The following MYH11 variants were observed in gnomAD, a reference collection of about 807,000 sequenced individuals.
The protein encoded by MYH11 is myosin heavy chain 11.
In MYH11, 80 loss-of-function variants were observed where a neutral mutation model predicts 246.6. The observed-to-expected ratio is 0.32, with a 90% confidence interval of 0.27 to 0.39. MYH11 has a LOEUF of 0.39. Among genes scored for constraint, MYH11 ranks in the 10% least tolerant of loss-of-function variants. The pLI is 1.00. For synonymous variants in MYH11, 1,071 were observed against 1,015.5 expected, an observed-to-expected ratio of 1.05 and a Z score of -1.04; for missense variants, 2,158 against 2,546.8, an observed-to-expected ratio of 0.85 and a Z score of 3.29.
chr16:15,767,908 C>T (rs2042018577), intron 9 of MYH11, among the ~76,000 whole-genome samples: 1 of 151,492 alleles, frequency 6.6e-6, no homozygotes, highest in Non-Finnish European at 1.5e-5. Flanking sequence ...ACAACCCCTG[C>T]CAACATCTTG....
Position 15,745,222 on chromosome 16 carries a change from C to T in MYH11, c.2427G>A (p.Arg809=). The change falls in exon 20 of 41, where the codon AGG becomes AGA. Residue 809 remains arginine, a synonymous_variant. Transcript: ENST00000300036. ...CCTTCATGGCGGTCAGCTGCTGCTG[C>T]CTCTTGGCAAAAGCCCTAGGGAGGG... ...GYLARKAFAK[R]QQQLTAMKVI... 6.2e-7 allele frequency: 1 copy of T among 1,614,024 alleles called. No individual in the cohort carries two copies.
chr16:15,760,368 G>A (rs2041840931), intron 11 of MYH11, among the ~76,000 whole-genome samples, 172 bp downstream of exon 11: 1 of 151,976 alleles, frequency 6.6e-6, no homozygotes, highest in Non-Finnish European at 1.5e-5. Flanking sequence ...ATGGATGGAT[G>A]GATGAACAGA....
intron 4 of MYH11, among the ~76,000 whole-genome samples, chr16:15,789,818 C>T (rs576340605): frequency 2.0e-5 from 3 of 152,290 alleles, no homozygotes; most frequent in Admixed American, 6.5e-5. Flanking sequence ...AAACCACTTG[C>T]GTAGGTGGTC....
intron 2 of MYH11, among the ~76,000 whole-genome samples, chr16:15,830,134 C>CAAA (rs5815844): frequency 2.0e-5 from 3 of 148,092 alleles, no homozygotes; most frequent in East Asian, 2.0e-4. Context: ...GACTTGGTCT[C>CAAA]AAAAAAAAAA....
chr16:15,730,814 C>G (rs1487613266), intron 27 of MYH11, among the ~76,000 whole-genome samples: 2 of 152,128 alleles, frequency 1.3e-5, no homozygotes. Context: ...CAGGCACTAC[C>G]CCAAAGGAGA....
chr16:15,823,426 C>G lies in MYH11; in HGVS notation c.346-15G>C. 6.2e-7 allele frequency: 1 copy of G among 1,614,138 alleles called. No individual in the cohort carries two copies. The highest frequency in any genetic ancestry group is 8.5e-7 in the Non-Finnish European group (1 of 1,180,030). On this transcript the variant is annotated splice_polypyrimidine_tract_variant and intron_variant, in intron 2 of 40. Coordinates refer to ENST00000300036, the MANE Select transcript of MYH11 (RefSeq NM_002474.3). ...CCAGAGTACGTCTGCAGACAGAGAACCCAGCTTACTTCCAGACCTCCTCCA... is the reference window on the plus strand; with the variant it reads ...CCAGAGTACGTCTGCAGACAGAGAAGCCAGCTTACTTCCAGACCTCCTCCA...
intron 40 of MYH11, among the ~76,000 whole-genome samples, chr16:15,710,827 G>A (rs1475936247): frequency 6.6e-6 from 1 of 152,048 alleles, no homozygotes; most frequent in Non-Finnish European, 1.5e-5. Flanking sequence ...ACAGGCATCT[G>A]CCACCACGCC....
Position 15,719,796 on chromosome 16 carries a change from C to T in MYH11, c.4954-83G>A. The T allele has an allele frequency of 3.2e-6, 5 of 1,581,890 alleles. No individual in the cohort carries two copies. The East Asian group carries it at 8.9e-5, about 28-fold the overall frequency. Reference sequence around the variant, plus strand: ...GCCCAGTTCAGCTTTGCACACCCACCCCTTGGATTTTCTGCAGTTGACCAC... The same window carrying T: ...GCCCAGTTCAGCTTTGCACACCCACTCCTTGGATTTTCTGCAGTTGACCAC... On this transcript the variant is annotated intron_variant, in intron 34 of 40. Transcript: ENST00000300036.
intron 3 of MYH11, among the ~76,000 whole-genome samples, chr16:15,818,064 T>C (rs1235752000): frequency 6.6e-6 from 1 of 152,188 alleles, no homozygotes; most frequent in Non-Finnish European, 1.5e-5. Context: ...AGTTTATAGG[T>C]CCTCAGGAAC....
chr16:15,840,954 A>G (rs1005356956), intron 1 of MYH11, among the ~76,000 whole-genome samples: 5 of 152,160 alleles, frequency 3.3e-5, no homozygotes, highest in African/African-American at 1.2e-4. Context: ...TCTTCATTTT[A>G]TATGTTTGTG....
intron 3 of MYH11, among the ~76,000 whole-genome samples, chr16:15,801,909 A>C (rs535799767): frequency 6.6e-6 from 1 of 152,244 alleles, no homozygotes; most frequent in African/African-American, 2.4e-5. Flanking sequence ...GTGAGGTGAG[A>C]TCATGCCACT....
chr16:15,717,201 T>C lies in MYH11; in HGVS notation c.5443A>G (p.Thr1815Ala), dbSNP rs764219360. Reference sequence around the variant, plus strand: ...ATCTTGGCCTCCAGCGCCGCGATGGTGGACTTGAACTTGGACTTGACGGCC... The same window carrying C: ...ATCTTGGCCTCCAGCGCCGCGATGGCGGACTTGAACTTGGACTTGACGGCC... ...EGAVKSKFKSTIAALEAKIAQ... is the reference protein window; with the variant it reads ...EGAVKSKFKSAIAALEAKIAQ... Residue 1815 changes from threonine (T) to alanine (A), a missense_variant, in exon 38 of 41, where the codon ACC becomes GCC. Transcript: ENST00000300036. 1.6e-5 allele frequency: 26 copies of C among 1,614,134 alleles called. No individual in the cohort carries two copies. The Middle Eastern group carries it at 4.9e-4, about 31-fold the overall frequency.
chr16:15,710,688 G>GTTT (rs202074294), intron 40 of MYH11, among the ~76,000 whole-genome samples: 1 of 147,516 alleles, frequency 6.8e-6, no homozygotes, highest in Admixed American at 6.8e-5. Context: ...TTTGTTTTTT[G>GTTT]TTTTTTTTTT....
At chr16:15,806,338 A>G (rs1041422030) in intron 3 of MYH11, among the ~76,000 whole-genome samples, 16 of 149,480 alleles carry the variant, frequency 1.1e-4, no homozygotes, top group African/African-American at 3.7e-4. Flanking sequence ...AAAAGGTCAC[A>G]TATGATTCCA....
intron 40 of MYH11, among the ~76,000 whole-genome samples, chr16:15,710,067 C>G (rs780393595): frequency 2.6e-5 from 4 of 152,170 alleles, no homozygotes; most frequent in Non-Finnish European, 5.9e-5. Flanking sequence ...TTTGTGCACC[C>G]AAAAGATGCA....
chr16:15,786,277 C>G (rs1428989892), intron 5 of MYH11: 1 of 401,268 alleles, frequency 2.5e-6, no homozygotes, highest in African/African-American at 2.1e-5. Context: ...GTGAAACATT[C>G]TACGAGCCAC....
rs186901656 is a variant in MYH11 at position 15,732,740 on chromosome 16, G to T, written c.3507-32C>A. 6.2e-5 allele frequency: 100 copies of T among 1,613,772 alleles called. 1 individual carries two copies. In the East Asian group the frequency reaches 2.2e-3, roughly 35 times the overall value. On this transcript the variant is annotated intron_variant, in intron 26 of 40. Coordinates refer to ENST00000300036, the MANE Select transcript of MYH11 (RefSeq NM_002474.3). ...GGGAGGAACACAGTGAATGGCAGTT[G>T]GGTGGAGACAGAGGGTCATCTCAGT...
At chr16:15,738,512 C>G (rs57393827) in intron 24 of MYH11, 53 bp downstream of exon 24, 1 of 1,531,162 alleles carries the variant, frequency 6.5e-7, no homozygotes, top group Admixed American at 1.8e-5. Context: ...GACCTCATCT[C>G]TAAAAAAAAT....
rs895836928 is a variant in MYH11 at position 15,779,000 on chromosome 16, G to A, written c.727-157C>T. 4 of 745,164 alleles carry A rather than the reference G, an allele frequency of 5.4e-6. No homozygotes were observed. The Admixed American group carries it at 7.9e-5, about 15-fold the overall frequency. 46.2% of individuals were successfully genotyped at this position (745,164 alleles called of 1,614,324 possible). A position where few individuals can be genotyped will look rare whatever the true frequency, so the allele number is the denominator to read the frequency against. ...ACCCCACAGGTCAAGTTGTCAGGCGGAACCAACATCTGCTGAGCTGAAACC... is the reference window on the plus strand; with the variant it reads ...ACCCCACAGGTCAAGTTGTCAGGCGAAACCAACATCTGCTGAGCTGAAACC... On this transcript the variant is annotated intron_variant, in intron 6 of 40. Coordinates refer to ENST00000300036, the MANE Select transcript of MYH11 (RefSeq NM_002474.3).
Sources: gnomAD v4.1 joint callset for allele counts (sites outside exome capture counted in the v4.1 genomes callset) on GRCh38, gnomAD v4.1.1 for gene constraint, MANE v1.5 for transcripts, NCBI Gene and HGNC (gene_info 2026-07-23, HGNC 2026-07-21) for gene names.